CTNNA3: variants seen among roughly 807,000 people sequenced by gnomAD.
CTNNA3 encodes the protein catenin alpha-3.
A neutral mutation model predicts 95.7 loss-of-function variants in CTNNA3; 76 were observed. The observed-to-expected ratio is 0.79, with a 90% CI of 0.66 to 0.96. CTNNA3 has a LOEUF of 0.96. Among genes scored for constraint, CTNNA3 ranks in the 40% least tolerant of loss-of-function variants. CTNNA3 has a pLI of 0.00. For missense variants in CTNNA3, 1,191 were observed against 1,089.8 expected, an observed-to-expected ratio of 1.09 and a Z score of -1.31; for synonymous variants, 431 against 374.4, an observed-to-expected ratio of 1.15 and a Z score of -1.74.
chr10:67,370,801 A>C (rs979107967), intron 5 of CTNNA3, among the ~76,000 whole-genome samples: 1 of 152,148 alleles, frequency 6.6e-6, no homozygotes, highest in Non-Finnish European at 1.5e-5. Context: ...GAGAAAAAAC[A>C]GATGAAAAGA....
At chr10:67,128,698 T>G (rs979587310) in intron 7 of CTNNA3, among the ~76,000 whole-genome samples, 3 of 152,146 alleles carry the variant, frequency 2.0e-5, no homozygotes, top group Non-Finnish European at 2.9e-5. Context: ...AAATCAATAA[T>G]TCTCCAAGTA....
chr10:67,097,542 G>C, intron 7 of CTNNA3: 1 of 1,542,428 alleles, frequency 6.5e-7, no homozygotes, highest in Non-Finnish European at 8.9e-7. Flanking sequence ...CCCTAAAGTT[G>C]TCCATATTTT....
chr10:66,156,313 C>G (rs1181471241), intron 13 of CTNNA3, among the ~76,000 whole-genome samples: 1 of 151,976 alleles, frequency 6.6e-6, no homozygotes, highest in Non-Finnish European at 1.5e-5. Context: ...TATCTTGACT[C>G]TATCAATGTA....
chr10:67,131,649 C>T (rs1457152460), intron 7 of CTNNA3, among the ~76,000 whole-genome samples: 1 of 151,958 alleles, frequency 6.6e-6, no homozygotes, highest in Admixed American at 6.6e-5. Flanking sequence ...TGTGTGTTAT[C>T]AGCACCTAGA....
At chr10:66,554,733 T>C (rs1203266772) in intron 10 of CTNNA3, among the ~76,000 whole-genome samples, 7 of 152,240 alleles carry the variant, frequency 4.6e-5, no homozygotes, top group Admixed American at 2.0e-4. Context: ...TTCTATAAAT[T>C]ACAGTTTCCA....
intron 5 of CTNNA3, among the ~76,000 whole-genome samples, chr10:67,432,666 C>A (rs989505600): frequency 6.6e-6 from 1 of 152,016 alleles, no homozygotes; most frequent in Non-Finnish European, 1.5e-5. Flanking sequence ...ACCAGATCAT[C>A]CAGGATAACC....
intron 1 of CTNNA3, among the ~76,000 whole-genome samples, chr10:67,726,752 A>T (rs886541775): frequency 8.4e-4 from 1 of 1,188 alleles, no homozygotes; most frequent in African/African-American, 2.8e-3. Flanking sequence ...TATATGATAT[A>T]TCATAGAATA....
At chr10:67,517,541 A>G (rs1185363240) in intron 5 of CTNNA3, among the ~76,000 whole-genome samples, 1 of 152,150 alleles carries the variant, frequency 6.6e-6, no homozygotes, top group African/African-American at 2.4e-5. Flanking sequence ...TTCACTCCTG[A>G]GCATCGTCAC....
chr10:67,256,610 A>G lies in CTNNA3; in HGVS notation c.580-36740T>C, dbSNP rs1866363067. On this transcript the variant is annotated intron_variant, in intron 5 of 17. Transcript: ENST00000433211. ...TTATCCTTACATTCGATTAAATGAC[A>G]TAAGATGGGATGATCTAGATTTTCT... Among the ~76,000 whole-genome samples the G allele has an allele frequency of 2.0e-5, 3 of 152,298 alleles. No individual in the cohort carries two copies. In the South Asian group the frequency reaches 6.2e-4, roughly 32 times the overall value.
chr10:66,775,898 C>A (rs1434578225), intron 7 of CTNNA3, among the ~76,000 whole-genome samples: 1 of 152,144 alleles, frequency 6.6e-6, no homozygotes, highest in Non-Finnish European at 1.5e-5. Context: ...GTGGGAGTTT[C>A]TAAAGTCATT....
intron 13 of CTNNA3, among the ~76,000 whole-genome samples, chr10:66,166,189 C>A (rs576035190): frequency 6.6e-6 from 1 of 152,226 alleles, no homozygotes; most frequent in South Asian, 2.1e-4. Context: ...AGTGTGATAG[C>A]TCACACCTAT....
At position 66,435,272 on chromosome 10, in the gene CTNNA3, G is replaced by C. The variant is rs570875717; in HGVS notation, c.1532-55920C>G. Reference sequence around the variant, plus strand: ...TAGAATTTGGCTGTGAATCTGTCTGGTCCTGGGCTTTTTTTTGGTTGGTAA... The same window carrying C: ...TAGAATTTGGCTGTGAATCTGTCTGCTCCTGGGCTTTTTTTTGGTTGGTAA... On this transcript the variant is annotated intron_variant, in intron 11 of 17. Transcript: ENST00000433211. Among the ~76,000 whole-genome samples the C allele has an allele frequency of 2.6e-5, 4 of 152,154 alleles. No homozygotes were observed. In the East Asian group the frequency reaches 7.7e-4, roughly 29 times the overall value.
chr10:66,570,063 C>G (rs534204036), intron 10 of CTNNA3, among the ~76,000 whole-genome samples: 26 of 152,198 alleles, frequency 1.7e-4, no homozygotes, highest in African/African-American at 5.8e-4. Context: ...CATCTCTTGC[C>G]TTTCCAAAAT....
intron 10 of CTNNA3, among the ~76,000 whole-genome samples, chr10:66,580,970 C>T (rs1243465275): frequency 2.6e-5 from 4 of 151,782 alleles, no homozygotes; most frequent in African/African-American, 9.7e-5. Context: ...CATAGCTTAG[C>T]TCCCACTTAT....
chr10:67,296,655 CG>C (rs1840043204), intron 5 of CTNNA3, among the ~76,000 whole-genome samples: 1 of 152,070 alleles, frequency 6.6e-6, no homozygotes, highest in South Asian at 2.1e-4. Context: ...AGTGCTGGGC[CG>C]GGCGTGGCAG....
chr10:66,032,492 A>G (rs927841109), intron 15 of CTNNA3, among the ~76,000 whole-genome samples: 6 of 152,192 alleles, frequency 3.9e-5, no homozygotes, highest in Non-Finnish European at 8.8e-5. Context: ...TCCACAGTCC[A>G]GTGGTTGAAG....
chr10:67,520,476 T>C (rs145262316), intron 5 of CTNNA3, among the ~76,000 whole-genome samples: 227 of 152,256 alleles, frequency 1.5e-3, no homozygotes, highest in African/African-American at 5.1e-3. Context: ...GAAACAAAAC[T>C]GTACTAAAAA....
chr10:65,934,058 A>G (rs531875968), intron 17 of CTNNA3, among the ~76,000 whole-genome samples: 6 of 152,348 alleles, frequency 3.9e-5, no homozygotes, highest in African/African-American at 1.2e-4. Flanking sequence ...ACAGTAAGAA[A>G]CAAATGATGA....
chr10:67,605,761 C>A (rs1010801572), intron 3 of CTNNA3, among the ~76,000 whole-genome samples: 1 of 151,138 alleles, frequency 6.6e-6, no homozygotes, highest in African/African-American at 2.4e-5. Context: ...TCACTGCAAC[C>A]TCTGCCTCCC....
Sources: gnomAD v4.1 joint callset for allele counts (sites outside exome capture counted in the v4.1 genomes callset) on GRCh38, gnomAD v4.1.1 for gene constraint, MANE v1.5 for transcripts, NCBI Gene and HGNC (gene_info 2026-07-23, HGNC 2026-07-21) for gene names.